EXOC1: variants seen among roughly 807,000 people sequenced by gnomAD.
EXOC1 encodes exocyst complex component 1, also known as SEC3-like 1.
A neutral mutation model predicts 107.7 loss-of-function variants in EXOC1; 67 were observed. The ratio of observed to expected loss-of-function variants is 0.62; its 90% CI spans 0.51 to 0.76. The LOEUF (loss-of-function observed/expected upper bound fraction) is 0.76. EXOC1 is among the 30% of genes least tolerant of loss of function. EXOC1 has a pLI of 0.00. For synonymous variants in EXOC1, 348 were observed against 353.5 expected (o/e 0.98, Z 0.17); for missense variants, 833 against 1,055.7 (o/e 0.79, Z 2.92).
chr4:55,877,453 T>G (rs938987620), intron 8 of EXOC1: 2 of 985,240 alleles, frequency 2.0e-6, no homozygotes. Flanking sequence ...CTCTAAGACT[T>G]TATATTCTAC....
chr4:55,875,575 T>G, intron 8 of EXOC1: 1 of 985,026 alleles, frequency 1.0e-6, no homozygotes, highest in Non-Finnish European at 1.2e-6. Flanking sequence ...AACAAGTTAA[T>G]TGACATTTGT....
intron 15 of EXOC1, among the ~76,000 whole-genome samples, chr4:55,895,610 A>G (rs17086126): frequency 0.015 from 2,276 of 152,326 alleles, 40 homozygotes; most frequent in African/African-American, 0.046. Context: ...TCTCAACACA[A>G]TGAAATGTTA....
intron 17 of EXOC1, among the ~76,000 whole-genome samples, chr4:55,900,905 A>C (rs576342051): frequency 5.5e-4 from 83 of 152,266 alleles, no homozygotes; most frequent in Non-Finnish European, 9.4e-4. Flanking sequence ...AAGAATATGT[A>C]TCTGCTGTCA....
intron 3 of EXOC1, among the ~76,000 whole-genome samples, chr4:55,862,977 T>C (rs1721612966): frequency 2.0e-5 from 3 of 152,136 alleles, no homozygotes; most frequent in Non-Finnish European, 4.4e-5. Context: ...CTTGGCTCAC[T>C]GCAGCCTCCA....
rs1010242576 is a variant in EXOC1, at chr4:55,877,178, A to G, written c.1075-739A>G. The G allele has an allele frequency of 1.4e-5, 14 of 984,022 alleles. No individual in the cohort carries two copies. The African/African-American group carries it at 2.3e-4, about 16-fold the overall frequency. 61.0% of individuals were successfully genotyped at this position (984,022 alleles called of 1,614,324 possible). Reference sequence around the variant, plus strand: ...TAATGTGTACCAACTAGTATGATACACATTCATAATTAGCTTTAGGTAACC... The same window carrying G: ...TAATGTGTACCAACTAGTATGATACGCATTCATAATTAGCTTTAGGTAACC... On this transcript the variant is annotated intron_variant, in intron 8 of 18. Transcript: ENST00000381295.
Position 55,871,904 on chromosome 4 carries a change from A to G in EXOC1, c.1020A>G (p.Arg340=), listed in dbSNP as rs367629115. 6.2e-7 allele frequency: 1 copy of G among 1,613,764 alleles called. No homozygotes were observed. Among genetic ancestry groups the G allele is most frequent in the Non-Finnish European group, 8.5e-7 (1 of 1,179,832 alleles). ...KQQQQRFSDL[R]ELFARRLASH... ...AACAGCAGCGATTCAGTGATTTGCG[A>G]GAGCTTTTTGCCCGGAGACTGGCCA... Residue 340 remains arginine (R), a synonymous_variant, in exon 8 of 19, where the codon CGA becomes CGG. Transcript: ENST00000381295.
Position 55,899,763 on chromosome 4 carries a change from C to T in EXOC1, c.2216C>T (p.Thr739Ile), listed in dbSNP as rs1725678616. ...MMENFHHIFATLSRLKISCLE... is the reference protein window; with the variant it reads ...MMENFHHIFAILSRLKISCLE... Reference sequence around the variant, plus strand: ...GAAAACTTTCACCATATTTTTGCAACTCTTTCTCGATTGAAAATCTCATGT... The same window carrying T: ...GAAAACTTTCACCATATTTTTGCAATTCTTTCTCGATTGAAAATCTCATGT... The change falls in exon 17 of 19, where the codon ACT becomes ATT. Residue 739 changes from threonine to isoleucine, a missense_variant. Around this residue, in one of 2 missense-constraint regions of EXOC1, gnomAD observed 216 missense variants for 354.4 expected, o/e 0.61. Coordinates refer to ENST00000381295, the MANE Select transcript of EXOC1 (RefSeq NM_001024924.2). 2.5e-6 allele frequency: 4 copies of T among 1,613,718 alleles called. No individual in the cohort carries two copies. The highest frequency in any genetic ancestry group is 2.2e-5 in the South Asian group (2 of 91,072).
intron 16 of EXOC1, among the ~76,000 whole-genome samples, chr4:55,898,887 G>A (rs982035111): frequency 2.2e-4 from 34 of 151,772 alleles, no homozygotes; most frequent in African/African-American, 8.0e-4. Context: ...ATCTATCTTT[G>A]TATACTTGTC....
chr4:55,899,296 T>C (rs2109501592), intron 16 of EXOC1, among the ~76,000 whole-genome samples: 1 of 152,268 alleles, frequency 6.6e-6, no homozygotes, highest in African/African-American at 2.4e-5. Flanking sequence ...GTACTTATGA[T>C]TGTATTATTT....
At chr4:55,856,451 A>T (rs1720978857) in intron 1 of EXOC1, among the ~76,000 whole-genome samples, 1 of 152,246 alleles carries the variant, frequency 6.6e-6, no homozygotes, top group Non-Finnish European at 1.5e-5. Context: ...TGTGAATTTT[A>T]TGAGAAAAGC....
At position 55,875,758 on chromosome 4, in the gene EXOC1, G is replaced by A. The variant is rs181820555; in HGVS notation, c.1075-2159G>A. On this transcript the variant is annotated intron_variant, in intron 8 of 18. Coordinates refer to ENST00000381295, the MANE Select transcript of EXOC1 (RefSeq NM_001024924.2). ...CAAATATTCTTCCCCTTTAATCAGC[G>A]TGACCAATTAAGGCACATAGTTTAG... 94 of 985,294 alleles carry A rather than the reference G, an allele frequency of 9.5e-5. No homozygotes were observed. In the East Asian group the frequency reaches 1.6e-3, roughly 17 times the overall value. The allele number at this position is 985,294 out of a possible 1,614,324, so 61.0% of individuals were successfully genotyped here. A position where few individuals can be genotyped will look rare whatever the true frequency, so the allele number is the denominator to read the frequency against.
Position 55,878,061 on chromosome 4 carries a change from A to G in EXOC1, c.1219A>G (p.Thr407Ala), listed in dbSNP as rs1440607994. 3 of 1,613,006 alleles carry G rather than the reference A, an allele frequency of 1.9e-6. No homozygotes were observed. The highest frequency in any genetic ancestry group is 2.2e-5 in the South Asian group (2 of 90,994). Residue 407 changes from threonine (T) to alanine (A), a missense_variant, in exon 9 of 19, where the codon ACA becomes GCA. By Grantham distance (58) the Thr-to-Ala change is moderately conservative (BLOSUM62 0). Transcript: ENST00000381295. ...STDYGKYEGLTKNYMDYLSRL... is the reference protein window; with the variant it reads ...STDYGKYEGLAKNYMDYLSRL... ...AGATTATGGAAAATATGAAGGACTAACAAAGGTATGGATTTGACGTCATTT... is the reference window on the plus strand; with the variant it reads ...AGATTATGGAAAATATGAAGGACTAGCAAAGGTATGGATTTGACGTCATTT...
At position 55,892,708 on chromosome 4, in the gene EXOC1, C is replaced by G; in HGVS notation, c.1721C>G (p.Ser574Cys). ...TGTGGCACACCACTGCCTGTTTCATCTGAGTATGTCTTTGTTACTATCATT... is the reference window on the plus strand; with the variant it reads ...TGTGGCACACCACTGCCTGTTTCATGTGAGTATGTCTTTGTTACTATCATT... ...HNCGTPLPVS[S>C]EKDMIRQMMI... Residue 574 changes from serine (S) to cysteine (C), a missense_variant, in exon 14 of 19, where the codon TCT becomes TGT. Physicochemically the swap from Ser to Cys is moderately radical, Grantham distance 112. This residue lies in a region of EXOC1 where 617 missense variants were observed against 701.3 expected (regional missense o/e 0.88). Coordinates refer to ENST00000381295, the MANE Select transcript of EXOC1 (RefSeq NM_001024924.2). 4 of 1,613,836 alleles carry G rather than the reference C, an allele frequency of 2.5e-6. No homozygotes were observed. The highest frequency in any genetic ancestry group is 2.2e-5 in the South Asian group (2 of 91,072).
intron 4 of EXOC1, chr4:55,866,813 A>T: frequency 1.0e-6 from 1 of 960,260 alleles, no homozygotes; most frequent in African/African-American, 1.8e-5. Flanking sequence ...TTACTTTTCT[A>T]CCCAGCTAAT....
In EXOC1 at chr4:55,870,770, A is replaced by G. The variant is rs1722354247; in HGVS notation, c.696A>G (p.Glu232=). 2 of 1,613,938 alleles carry G rather than the reference A, an allele frequency of 1.2e-6. No homozygotes were observed. The highest frequency in any genetic ancestry group is 4.5e-5 in the East Asian group (2 of 44,830). ...DEALKEVDQI[E]LKLSSYEEML... is the part of the protein sequence containing the mutation. ...CTCTAAAGGAGGTAGATCAGATTGA[A>G]TTGAAACTGAGCAGTTATGAGGAAA... is the stretch of plus-strand genomic sequence containing the variant. Residue 232 remains glutamate (E), a synonymous_variant, in exon 6 of 19, where the codon GAA becomes GAG. Transcript: ENST00000381295.
chr4:55,888,993 T>C, intron 11 of EXOC1, 61 bp downstream of exon 11: 1 of 1,572,388 alleles, frequency 6.4e-7, no homozygotes, highest in Admixed American at 1.7e-5. Flanking sequence ...TGTCTAGAAA[T>C]TAGTTGTCTT....
chr4:55,867,690 TCTTA>T (rs1237368560), intron 4 of EXOC1, among the ~76,000 whole-genome samples: 1 of 152,204 alleles, frequency 6.6e-6, no homozygotes, highest in African/African-American at 2.4e-5. Flanking sequence ...TTGTTGTTGC[TCTTA>T]CTTAGAGTTA....
At chr4:55,875,501 C>T in intron 8 of EXOC1, 2 of 971,386 alleles carry the variant, frequency 2.1e-6, no homozygotes, top group Non-Finnish European at 2.4e-6. Flanking sequence ...AGAGTGCAGA[C>T]ACTAGAGCCA....
chr4:55,865,423 G>C (rs1273644576), intron 4 of EXOC1, among the ~76,000 whole-genome samples: 2 of 152,176 alleles, frequency 1.3e-5, no homozygotes, highest in African/African-American at 4.8e-5. Flanking sequence ...CACCAGTAGT[G>C]CTGGTCTTAT....
Sources: allele counts gnomAD v4.1 joint callset (sites outside exome capture counted in the v4.1 genomes callset), GRCh38; gene constraint gnomAD v4.1.1; regional missense constraint gnomAD v4.1.1; transcripts MANE v1.5; gene names NCBI Gene and HGNC (gene_info 2026-07-23, HGNC 2026-07-21).